Variants in RAPGEF2 observed in about 807,000 individuals in gnomAD.
The protein encoded by RAPGEF2 is Rap guanine nucleotide exchange factor 2.
In RAPGEF2, 54 loss-of-function variants were observed where a neutral mutation model predicts 186.7. That is an observed-to-expected ratio of 0.29 (90% CI 0.23 to 0.36). RAPGEF2 has a LOEUF of 0.36. Ranked by LOEUF, RAPGEF2 falls within the 10% of genes least tolerant of loss-of-function variation. RAPGEF2 has a pLI of 1.00. For synonymous variants in RAPGEF2, 712 were observed against 705.9 expected (o/e 1.01, Z -0.14); for missense variants, 1,532 against 2,045.0 (o/e 0.75, Z 4.84).
At chr4:159,123,966 A>T (rs1217400645) in intron 1 of RAPGEF2, among the ~76,000 whole-genome samples, 1 of 150,702 alleles carries the variant, frequency 6.6e-6, no homozygotes, top group African/African-American at 2.4e-5. Flanking sequence ...AGCAATTCTT[A>T]TGTCCCAGCC....
chr4:159,269,279 C>T lies in RAPGEF2; in HGVS notation c.543+25488C>T, dbSNP rs1489479045. Among the ~76,000 whole-genome samples, 10 of 152,066 alleles carry T rather than the reference C, an allele frequency of 6.6e-5. No homozygotes were observed. The East Asian group carries it at 1.9e-3, about 29-fold the overall frequency. On this transcript the variant is annotated intron_variant, in intron 7 of 29. Coordinates refer to ENST00000691494, the MANE Select transcript of RAPGEF2 (RefSeq NM_001394067.2). Reference sequence around the variant, plus strand: ...TGTTCTTAGACTAAGTGATTCTTTGCGCACTGTCTCACCTCAGGAATGAGC... The same window carrying T: ...TGTTCTTAGACTAAGTGATTCTTTGTGCACTGTCTCACCTCAGGAATGAGC...
intron 7 of RAPGEF2, among the ~76,000 whole-genome samples, chr4:159,286,145 C>T (rs1760461650): frequency 6.8e-6 from 1 of 146,696 alleles, no homozygotes; most frequent in Non-Finnish European, 1.5e-5. Flanking sequence ...CCCTAGTTTT[C>T]CTCATCTCAA....
At chr4:159,322,930 T>C (rs550000650) in intron 10 of RAPGEF2, among the ~76,000 whole-genome samples, 1 of 152,252 alleles carries the variant, frequency 6.6e-6, no homozygotes, top group East Asian at 1.9e-4. Context: ...CCACAACACA[T>C]GGGAATTATG....
intron 4 of RAPGEF2, among the ~76,000 whole-genome samples, chr4:159,222,103 C>A (rs1289085264): frequency 1.3e-5 from 2 of 152,218 alleles, no homozygotes; most frequent in Non-Finnish European, 2.9e-5. Context: ...TTTTTAGCAT[C>A]ATTTAGAACC....
rs552304347 is a variant in RAPGEF2 at position 159,250,801 on chromosome 4, G to A, written c.543+7010G>A. On this transcript the variant is annotated intron_variant, in intron 7 of 29. Transcript: ENST00000691494. The stretch of plus-strand genomic sequence containing the variant: ...GCCCTCGCTTGCTCTCGGCGCCTCG[G>A]CCTCGGCATCCACTCTGGCCATCCT... Among the ~76,000 whole-genome samples the A allele has an allele frequency of 3.9e-5, 6 of 151,994 alleles. No homozygotes were observed. In the South Asian group the frequency reaches 1.2e-3, roughly 32 times the overall value.
chr4:159,210,450 G>A (rs770647007), intron 3 of RAPGEF2, 50 bp from the exon 4 acceptor site: 1 of 1,263,508 alleles, frequency 7.9e-7, no homozygotes. Context: ...TTAATTTTTT[G>A]TTGTTGTTGT....
chr4:159,303,532 A>G (rs55760378), intron 7 of RAPGEF2, among the ~76,000 whole-genome samples: 2,919 of 152,212 alleles, frequency 0.019, 115 homozygotes, highest in African/African-American at 0.066. Context: ...GTAATAACTG[A>G]TAAGAGTCTA....
At chr4:159,184,724 T>G (rs899045850) in intron 1 of RAPGEF2, among the ~76,000 whole-genome samples, 1 of 152,264 alleles carries the variant, frequency 6.6e-6, no homozygotes, top group Non-Finnish European at 1.5e-5. Context: ...TTTCTTTTGC[T>G]GTGCAGAAGC....
chr4:159,278,452 C>T (rs145196351), intron 7 of RAPGEF2, among the ~76,000 whole-genome samples: 1 of 152,302 alleles, frequency 6.6e-6, no homozygotes, highest in East Asian at 1.9e-4. Context: ...ATTGAAATAA[C>T]TACTCAGGGT....
At chr4:159,104,324 G>A in intron 1 of RAPGEF2, 93 bp downstream of exon 1, 1 of 581,048 alleles carries the variant, frequency 1.7e-6, no homozygotes, top group Non-Finnish European at 2.8e-6. Context: ...GACACAGTTC[G>A]CCCCGAGCAC....
chr4:159,348,774 G>C (rs1442364897), intron 25 of RAPGEF2, among the ~76,000 whole-genome samples: 1 of 152,152 alleles, frequency 6.6e-6, no homozygotes, highest in Admixed American at 6.5e-5. Flanking sequence ...CTCTCAAAAT[G>C]TCTTTAGTTC....
intron 1 of RAPGEF2, among the ~76,000 whole-genome samples, chr4:159,113,995 C>T (rs946633220): frequency 7.2e-5 from 11 of 151,990 alleles, no homozygotes; most frequent in African/African-American, 2.4e-4. Flanking sequence ...CTCACTGTGT[C>T]ACCCAGGCTG....
intron 5 of RAPGEF2, 72 bp downstream of exon 5, chr4:159,238,956 CT>C: frequency 1.1e-6 from 1 of 874,622 alleles, no homozygotes; most frequent in Non-Finnish European, 1.6e-6. Context: ...TTATAAACTG[CT>C]TATAATATTA....
chr4:159,298,420 A>G (rs1214439099), intron 7 of RAPGEF2, among the ~76,000 whole-genome samples: 1 of 152,180 alleles, frequency 6.6e-6, no homozygotes, highest in East Asian at 1.9e-4. Flanking sequence ...CCAAATGTTT[A>G]CTTTTTCTTG....
rs114682794 is a variant in RAPGEF2, at chr4:159,104,135, G to A, written c.-28G>A. 4.6e-4 allele frequency: 682 copies of A among 1,475,840 alleles called. 1 individual carries two copies. In the African/African-American group the frequency reaches 8.2e-3, roughly 18 times the overall value. 91.4% of individuals were successfully genotyped at this position (1,475,840 alleles called of 1,614,324 possible). ...GGGAGGAGGCCGGCCAGGGTGCGGA[G>A]CGGCCCCGGCCCGCTCCCAGAGGGG... On this transcript the variant is annotated 5_prime_UTR_variant, in exon 1 of 30. Coordinates refer to ENST00000691494, the MANE Select transcript of RAPGEF2 (RefSeq NM_001394067.2).
intron 3 of RAPGEF2, among the ~76,000 whole-genome samples, chr4:159,204,215 C>T (rs1376328261): frequency 1.3e-5 from 2 of 152,124 alleles, no homozygotes; most frequent in African/African-American, 4.8e-5. Context: ...AAACATAAAA[C>T]AATGAAATTA....
At chr4:159,328,167 T>G (rs1473656242) in intron 11 of RAPGEF2, 3 of 152,154 alleles carry the variant, frequency 2.0e-5, no homozygotes, top group Non-Finnish European at 4.4e-5. Flanking sequence ...TCTAAATCTC[T>G]TATATGTATT....
chr4:159,182,398 T>C (rs539632623), intron 1 of RAPGEF2, among the ~76,000 whole-genome samples: 1 of 140,752 alleles, frequency 7.1e-6, no homozygotes, highest in Non-Finnish European at 1.5e-5. Context: ...TTTTTTTTTT[T>C]TTTTTTTTTT....
intron 7 of RAPGEF2, among the ~76,000 whole-genome samples, chr4:159,299,042 C>T (rs1264641375): frequency 6.6e-6 from 1 of 152,074 alleles, no homozygotes; most frequent in Non-Finnish European, 1.5e-5. Context: ...CTTACTCCAC[C>T]TTGTAGAGAT....
Sources: allele counts gnomAD v4.1 joint callset (sites outside exome capture counted in the v4.1 genomes callset), GRCh38; gene constraint gnomAD v4.1.1; transcripts MANE v1.5; gene names NCBI Gene and HGNC (gene_info 2026-07-23, HGNC 2026-07-21).